Variants in EYS observed in about 807,000 individuals in gnomAD.
The protein encoded by EYS is EGF-like photoreceptor maintenance factor.
A neutral mutation model predicts 282.1 loss-of-function variants in EYS; 250 were observed. The ratio of observed to expected loss-of-function variants is 0.89; its 90% CI spans 0.80 to 0.98. The LOEUF is 0.98. Ranked by LOEUF, EYS falls within the 50% of genes least tolerant of loss-of-function variation. EYS has a pLI of 0.00. For missense variants in EYS, 4,016 were observed against 3,709.0 expected (o/e 1.08, Z -2.15); for synonymous variants, 1,355 against 1,282.9 (o/e 1.06, Z -1.20).
intron 21 of EYS, among the ~76,000 whole-genome samples, chr6:64,816,384 T>C (rs1233711283): frequency 6.6e-6 from 1 of 152,136 alleles, no homozygotes; most frequent in Non-Finnish European, 1.5e-5. Flanking sequence ...CTGAGAACTT[T>C]GATTAGACGT....
intron 28 of EYS, among the ~76,000 whole-genome samples, chr6:64,391,059 A>G (rs911769659): frequency 9.2e-5 from 14 of 152,166 alleles, no homozygotes; most frequent in Non-Finnish European, 1.8e-4. Context: ...ATGAAGCGAG[A>G]AGGGAAGTTT....
chr6:63,804,914 A>C (rs868643745), intron 37 of EYS, among the ~76,000 whole-genome samples: 2 of 152,108 alleles, frequency 1.3e-5, no homozygotes, highest in Admixed American at 6.5e-5. Context: ...GATTCAAACA[A>C]ATTTTGGAGG....
In EYS at chr6:63,957,269, C is replaced by A. The variant is rs111573379; in HGVS notation, c.7055+27114G>T. On this transcript the variant is annotated intron_variant, in intron 35 of 42. Coordinates refer to ENST00000503581, the MANE Select transcript of EYS (RefSeq NM_001142800.2). ...GAAAATGTAAAAAAATGTGGCTTCA[C>A]TGAACAGACCTCAAAAAGGACACTT... Among the ~76,000 whole-genome samples, 1,197 of 140,618 alleles carry A rather than the reference C, an allele frequency of 8.5e-3. 86 individuals carry two copies. Among genetic ancestry groups the A allele is most frequent in the South Asian group, 0.038 (163 of 4,324 alleles). 92.3% of individuals were successfully genotyped at this position (140,618 alleles called of 152,430 possible). A position where few individuals can be genotyped will look rare whatever the true frequency, so the allele number is the denominator to read the frequency against.
intron 11 of EYS, among the ~76,000 whole-genome samples, chr6:65,323,593 C>T (rs1769536939): frequency 7.5e-6 from 1 of 132,784 alleles, no homozygotes; most frequent in South Asian, 2.7e-4. Context: ...GTACTGTTAC[C>T]TTCATGTTAC....
intron 31 of EYS, among the ~76,000 whole-genome samples, chr6:64,207,784 A>C (rs1765653392): frequency 6.6e-6 from 1 of 152,116 alleles, no homozygotes; most frequent in African/African-American, 2.4e-5. Context: ...CAGCCTCCCA[A>C]GTACCTGGGA....
intron 31 of EYS, among the ~76,000 whole-genome samples, chr6:64,123,780 T>C (rs1367670310): frequency 1.3e-5 from 2 of 152,200 alleles, no homozygotes; most frequent in East Asian, 1.9e-4. Flanking sequence ...AAAATTAAAA[T>C]TGATACAATT....
intron 22 of EYS, among the ~76,000 whole-genome samples, chr6:64,732,164 T>C (rs567716855): frequency 6.6e-6 from 1 of 151,604 alleles, no homozygotes; most frequent in East Asian, 2.0e-4. Context: ...CCTGTCGGGG[T>C]TGGGGGGCAA....
chr6:64,736,448 T>C (rs1264988240), intron 22 of EYS, among the ~76,000 whole-genome samples: 1 of 152,154 alleles, frequency 6.6e-6, no homozygotes, highest in African/African-American at 2.4e-5. Flanking sequence ...CTTAAAACAG[T>C]CTTTACTCTT....
intron 2 of EYS, among the ~76,000 whole-genome samples, chr6:65,572,047 G>T (rs1460252308): frequency 6.6e-6 from 1 of 151,942 alleles, no homozygotes; most frequent in Admixed American, 6.6e-5. Flanking sequence ...ATCTTCTCTG[G>T]TGAATATCAA....
At chr6:64,523,290 C>T (rs1180231299) in intron 26 of EYS, among the ~76,000 whole-genome samples, 1 of 151,734 alleles carries the variant, frequency 6.6e-6, no homozygotes, top group East Asian at 1.9e-4. Flanking sequence ...TCATTTATGT[C>T]GCCTTTCTTC....
chr6:65,192,359 T>C (rs544518968), intron 12 of EYS, among the ~76,000 whole-genome samples: 2 of 149,956 alleles, frequency 1.3e-5, no homozygotes, highest in South Asian at 4.2e-4. Flanking sequence ...AAAATTTGCC[T>C]TTCTATACAA....
At chr6:63,850,551 C>T (rs1772220243) in intron 36 of EYS, among the ~76,000 whole-genome samples, 1 of 152,118 alleles carries the variant, frequency 6.6e-6, no homozygotes, top group African/African-American at 2.4e-5. Flanking sequence ...ATTTTCAACC[C>T]AGAATTTCAT....
chr6:64,151,318 TA>T (rs1236960910), intron 31 of EYS, among the ~76,000 whole-genome samples: 18 of 4,578 alleles, frequency 3.9e-3, no homozygotes, highest in South Asian at 0.023. Flanking sequence ...TGTGTATATT[TA>T]TATATATATA....
intron 31 of EYS, among the ~76,000 whole-genome samples, chr6:64,095,960 A>C (rs370791669): frequency 6.6e-6 from 1 of 152,104 alleles, no homozygotes; most frequent in Non-Finnish European, 1.5e-5. Flanking sequence ...GTGGTGACAA[A>C]ATCTCTCAGC....
At chr6:65,177,176 T>A (rs1167072430) in intron 12 of EYS, among the ~76,000 whole-genome samples, 1 of 151,778 alleles carries the variant, frequency 6.6e-6, no homozygotes, top group African/African-American at 2.4e-5. Context: ...CAAAAATCTT[T>A]GCTGGCAACT....
chr6:64,484,638 T>C (rs1776529993), intron 26 of EYS, among the ~76,000 whole-genome samples: 1 of 151,656 alleles, frequency 6.6e-6, no homozygotes, highest in Non-Finnish European at 1.5e-5. Context: ...CTTTAAATTA[T>C]AAGATGAATT....
At chr6:63,768,411 C>T (rs1769849516) in intron 40 of EYS, among the ~76,000 whole-genome samples, 1 of 151,768 alleles carries the variant, frequency 6.6e-6, no homozygotes, top group East Asian at 1.9e-4. Context: ...AAAAAATGGG[C>T]AAATGACATG....
rs1168971224 is a variant in EYS, at chr6:64,963,615, A to G, written c.2260-17701T>C. ...TAATTTGGCCTATGGCTTGTTTTTG[A>G]TAACCAAGTGGTAAATTAGTGAGGA... On this transcript the variant is annotated intron_variant, in intron 14 of 42. Transcript: ENST00000503581. 2.6e-5 allele frequency among the ~76,000 whole-genome samples: 4 copies of G among 152,192 alleles called. No individual in the cohort carries two copies. The East Asian group carries it at 5.8e-4, about 22-fold the overall frequency.
At chr6:65,242,655 A>C (rs1477385316) in intron 12 of EYS, among the ~76,000 whole-genome samples, 1 of 152,172 alleles carries the variant, frequency 6.6e-6, no homozygotes, top group Non-Finnish European at 1.5e-5. Context: ...TTGATGGGTC[A>C]TATGATAAAT....
Sources: gnomAD v4.1 joint callset for allele counts (sites outside exome capture counted in the v4.1 genomes callset) on GRCh38, gnomAD v4.1.1 for gene constraint, MANE v1.5 for transcripts, NCBI Gene and HGNC (gene_info 2026-07-23, HGNC 2026-07-21) for gene names.